Variants in DST observed in about 807,000 individuals in gnomAD.
DST encodes the protein bullous pemphigoid antigen.
A neutral mutation model predicts 875.2 loss-of-function variants in DST; 253 were observed. The ratio of observed to expected loss-of-function variants is 0.29; its 90% CI spans 0.26 to 0.32. DST has a LOEUF of 0.32. DST is among the 10% of genes least tolerant of loss of function. The pLI is 1.00. For synonymous variants in DST, 3,124 were observed against 3,197.1 expected (o/e 0.98, Z 0.77); for missense variants, 8,287 against 9,111.6 (o/e 0.91, Z 3.68).
In DST at chr6:56,916,897, G is replaced by A. The variant is rs931812300; in HGVS notation, c.217-16276C>T. Among the ~76,000 whole-genome samples, 6 of 146,454 alleles carry A rather than the reference G, an allele frequency of 4.1e-5. No individual in the cohort carries two copies. In the East Asian group the frequency reaches 1.0e-3, roughly 25 times the overall value. ...AGGCAGGATTTCAAGTCCCAAAGGT[G>A]AGCTACATTACTAAGGTAGGGAAGC... On this transcript the variant is annotated intron_variant, in intron 2 of 103. Transcript: ENST00000680361.
intron 47 of DST, among the ~76,000 whole-genome samples, chr6:56,594,857 T>C (rs1299293988): frequency 2.6e-5 from 4 of 152,270 alleles, no homozygotes; most frequent in African/African-American, 7.2e-5. Context: ...AGATCACATA[T>C]GTAGAGCACT....
chr6:56,923,855 G>A (rs942576328), intron 2 of DST, among the ~76,000 whole-genome samples: 4 of 152,274 alleles, frequency 2.6e-5, no homozygotes, highest in African/African-American at 9.6e-5. Flanking sequence ...CAGGCATGGT[G>A]GCTCATGCCT....
chr6:56,773,140 G>C (rs192315839), intron 4 of DST, among the ~76,000 whole-genome samples: 1 of 152,080 alleles, frequency 6.6e-6, no homozygotes, highest in East Asian at 1.9e-4. Context: ...GGGAGACCCT[G>C]AGCCTAAAAC....
intron 9 of DST, among the ~76,000 whole-genome samples, chr6:56,674,347 G>A (rs575222889): frequency 6.6e-6 from 1 of 151,666 alleles, no homozygotes; most frequent in East Asian, 1.9e-4. Context: ...GCTCAGCATG[G>A]AGTGCAGTGG....
At chr6:56,857,796 A>G (rs1768747698) in intron 3 of DST, among the ~76,000 whole-genome samples, 1 of 152,200 alleles carries the variant, frequency 6.6e-6, no homozygotes, top group Non-Finnish European at 1.5e-5. Context: ...TTATATGACT[A>G]GTTTTTTATT....
intron 4 of DST, among the ~76,000 whole-genome samples, chr6:56,804,771 C>A (rs1037803081): frequency 2.0e-5 from 3 of 152,108 alleles, no homozygotes; most frequent in African/African-American, 7.2e-5. Context: ...TACAAGAACA[C>A]TTCTCGCCCA....
Position 56,627,256 on chromosome 6 carries a change from C to G in DST, c.4670G>C (p.Ser1557Thr). The G allele has an allele frequency of 6.2e-7, 1 of 1,612,980 alleles. No individual in the cohort carries two copies. The change falls in exon 34 of 104, where the codon AGC becomes ACC. Residue 1557 changes from serine to threonine, a missense_variant. Physicochemically the swap from Ser to Thr is moderately conservative, Grantham distance 58. Transcript: ENST00000680361. Reference protein sequence around the residue: ...MLVSEIEMKQSKMDECQKYAE... With the variant: ...MLVSEIEMKQTKMDECQKYAE... Reference sequence around the variant, plus strand: ...ATATTTTTGACACTCGTCCATTTTGCTCTGTTTCATTTCTATTTCGGACAC... The same window carrying G: ...ATATTTTTGACACTCGTCCATTTTGGTCTGTTTCATTTCTATTTCGGACAC...
At chr6:56,705,892 TA>T (rs1354128980) in intron 5 of DST, among the ~76,000 whole-genome samples, 2 of 152,254 alleles carry the variant, frequency 1.3e-5, no homozygotes, top group Admixed American at 6.5e-5. Flanking sequence ...TTTGATTTCC[TA>T]ATTCCCAAGG....
chr6:56,814,304 T>C (rs1238733457), intron 4 of DST, among the ~76,000 whole-genome samples: 2 of 152,212 alleles, frequency 1.3e-5, no homozygotes, highest in Admixed American at 6.5e-5. Context: ...CAAGGTATTT[T>C]TGTATGAAAT....
At chr6:56,465,797 G>A (rs766656347) in intron 99 of DST, among the ~76,000 whole-genome samples, 2 of 148,448 alleles carry the variant, frequency 1.3e-5, no homozygotes, top group African/African-American at 2.5e-5. Flanking sequence ...TTGGAAAATC[G>A]TAGATGTAAA....
At chr6:56,466,343 T>C in intron 98 of DST, 148 bp from the exon 99 acceptor site, 1 of 489,966 alleles carries the variant, frequency 2.0e-6, no homozygotes, top group Non-Finnish European at 3.5e-6. Context: ...AGGGGGTTTG[T>C]AATGATTTGT....
At chr6:56,814,519 C>CT (rs2099764341) in intron 4 of DST, among the ~76,000 whole-genome samples, 1 of 152,178 alleles carries the variant, frequency 6.6e-6, no homozygotes, top group African/African-American at 2.4e-5. Context: ...CCTAATAAGT[C>CT]TATGACAGAC....
At chr6:56,774,914 C>T (rs1590034929) in intron 4 of DST, among the ~76,000 whole-genome samples, 2 of 151,422 alleles carry the variant, frequency 1.3e-5, no homozygotes, top group Admixed American at 1.3e-4. Context: ...ATCGCTGGAA[C>T]CCGGGAGGCA....
intron 4 of DST, among the ~76,000 whole-genome samples, chr6:56,737,409 C>T (rs1370294375): frequency 6.6e-6 from 1 of 152,158 alleles, no homozygotes; most frequent in Admixed American, 6.5e-5. Context: ...TCTAGACCTG[C>T]GTTGTTCAGT....
Position 56,606,265 on chromosome 6 carries a change from A to C in DST, c.8363T>G (p.Met2788Arg). Reference sequence around the variant, plus strand: ...ATCCCCATAACTTTCTTCACTTTGCATAGAATCTAAATGATCAGTATCGGA... The same window carrying C: ...ATCCCCATAACTTTCTTCACTTTGCCTAGAATCTAAATGATCAGTATCGGA... ...FHSDTDHLDS[M>R]QSEESYGDYI... The change falls in exon 40 of 104, where the codon ATG becomes AGG. Residue 2788 changes from methionine to arginine, a missense_variant. By Grantham distance (91) the Met-to-Arg change is moderately conservative. Around this residue, in one of 10 missense-constraint regions of DST, gnomAD observed 3,138 missense variants for 3,116.6 expected, o/e 1.01. Coordinates refer to ENST00000680361, the MANE Select transcript of DST (RefSeq NM_001374736.1). The C allele has an allele frequency of 6.3e-7, 1 of 1,576,794 alleles. No homozygotes were observed. The highest frequency in any genetic ancestry group is 1.9e-5 in the Admixed American group (1 of 53,126).
chr6:56,544,671 C>T (rs369309255), intron 61 of DST, among the ~76,000 whole-genome samples: 1 of 94,028 alleles, frequency 1.1e-5, no homozygotes, highest in South Asian at 3.7e-4. Flanking sequence ...GTAAACAGTG[C>T]TATGGGAAAA....
chr6:56,869,128 G>C (rs1171501623), intron 3 of DST, among the ~76,000 whole-genome samples: 2 of 152,072 alleles, frequency 1.3e-5, no homozygotes, highest in Non-Finnish European at 2.9e-5. Context: ...AGAACTTTGG[G>C]GTACATATGG....
Position 56,724,791 on chromosome 6 carries a change from C to T in DST, c.687+10437G>A, listed in dbSNP as rs564483065. 4.3e-4 allele frequency among the ~76,000 whole-genome samples: 66 copies of T among 152,282 alleles called. 1 individual carries two copies. The highest frequency in any genetic ancestry group is 3.7e-3 in the South Asian group (18 of 4,828). Reference sequence around the variant, plus strand: ...TCACTGTAATACTATTATAAAACCACTACAGTTGCATATTGCAGGCATTCT... The same window carrying T: ...TCACTGTAATACTATTATAAAACCATTACAGTTGCATATTGCAGGCATTCT... On this transcript the variant is annotated intron_variant, in intron 5 of 103. Coordinates refer to ENST00000680361, the MANE Select transcript of DST (RefSeq NM_001374736.1).
At chr6:56,549,354 C>T (rs2097281706) in intron 61 of DST, among the ~76,000 whole-genome samples, 1 of 152,168 alleles carries the variant, frequency 6.6e-6, no homozygotes, top group East Asian at 1.9e-4. Flanking sequence ...TTTTCTGTTT[C>T]ACTTTTAGGA....
Sources: allele counts gnomAD v4.1 joint callset (sites outside exome capture counted in the v4.1 genomes callset), GRCh38; gene constraint gnomAD v4.1.1; regional missense constraint gnomAD v4.1.1; transcripts MANE v1.5; gene names NCBI Gene and HGNC (gene_info 2026-07-23, HGNC 2026-07-21).